Variants in RAP1B observed in about 807,000 individuals in gnomAD.
RAP1B encodes the protein ras-related protein Rap-1b.
A neutral mutation model predicts 27.5 loss-of-function variants in RAP1B; 1 was observed. The ratio of observed to expected loss-of-function variants is 0.04; its 90% CI spans 0.01 to 0.17. RAP1B has a LOEUF of 0.17. Among genes scored for constraint, RAP1B ranks in the 10% least tolerant of loss-of-function variants. The probability of loss-of-function intolerance (pLI) is 1.00; values close to 1 mark genes in which losing one functional copy is unlikely to be tolerated. For missense variants in RAP1B, 84 were observed against 214.8 expected (o/e 0.39, Z 3.81); for synonymous variants, 75 against 73.1 (o/e 1.03, Z -0.13).
In RAP1B at chr12:68,663,142, C is replaced by G. The variant is rs577386201; in HGVS notation, c.*3893C>G. 6.6e-6 allele frequency: 1 copy of G among 152,078 alleles called. No individual in the cohort carries two copies. The highest frequency in any genetic ancestry group is 1.9e-4 in the East Asian group (1 of 5,180). The allele number at this position is 152,078 out of a possible 1,614,324, so 9.4% of individuals were successfully genotyped here. Reference sequence around the variant, plus strand: ...ACAGTGGTGCGATCTTGGCTCACCCCAACCTCTGCCTCCCAGGTTCAAGCA... The same window carrying G: ...ACAGTGGTGCGATCTTGGCTCACCCGAACCTCTGCCTCCCAGGTTCAAGCA... On this transcript the variant is annotated 3_prime_UTR_variant, in exon 8 of 8. Coordinates refer to ENST00000250559, the MANE Select transcript of RAP1B (RefSeq NM_001010942.3).
At position 68,664,054 on chromosome 12, in the gene RAP1B, A is replaced by C. The variant is rs1874743718; in HGVS notation, c.*4805A>C. 1 of 152,184 alleles carries C rather than the reference A, an allele frequency of 6.6e-6. No homozygotes were observed. The highest frequency in any genetic ancestry group is 2.4e-5 in the African/African-American group (1 of 41,442). The allele number at this position is 152,184 out of a possible 1,614,324, so 9.4% of individuals were successfully genotyped here. Reference sequence around the variant, plus strand: ...GTTTTTACTATGTTGTTTTACTATGAACCTAGTTTAACCTGACTTTCCTTA... The same window carrying C: ...GTTTTTACTATGTTGTTTTACTATGCACCTAGTTTAACCTGACTTTCCTTA... On this transcript the variant is annotated 3_prime_UTR_variant, in exon 8 of 8. Coordinates refer to ENST00000250559, the MANE Select transcript of RAP1B (RefSeq NM_001010942.3).
intron 2 of RAP1B, 59 bp from the exon 3 acceptor site, chr12:68,650,341 T>G (rs1873724679): frequency 7.1e-7 from 1 of 1,413,822 alleles, no homozygotes; most frequent in South Asian, 1.4e-5. Flanking sequence ...ACAATTACAT[T>G]AAAGATTGAA....
rs572549620 is a variant in RAP1B at position 68,670,594 on chromosome 12, C to T, written c.*11345C>T. The stretch of plus-strand genomic sequence containing the variant: ...AAGTCAAAAATGTAAGTCGAAAATG[C>T]ATTTAATACCCTGATAAATCCATCA... On this transcript the variant is annotated 3_prime_UTR_variant, in exon 8 of 8. Coordinates refer to ENST00000250559, the MANE Select transcript of RAP1B (RefSeq NM_001010942.3). 83 of 152,248 alleles carry T rather than the reference C, an allele frequency of 5.5e-4. No homozygotes were observed. The highest frequency in any genetic ancestry group is 2.0e-3 in the African/African-American group (83 of 41,546). 9.4% of individuals were successfully genotyped at this position (152,248 alleles called of 1,614,324 possible).
chr12:68,639,026 A>C (rs1043844836), intron 1 of RAP1B, among the ~76,000 whole-genome samples: 1 of 152,196 alleles, frequency 6.6e-6, no homozygotes, highest in African/African-American at 2.4e-5. Context: ...ACATTATTAT[A>C]ACAAAACATT....
intron 1 of RAP1B, among the ~76,000 whole-genome samples, chr12:68,638,829 T>A (rs1872801348): frequency 6.6e-6 from 1 of 151,962 alleles, no homozygotes; most frequent in Admixed American, 6.6e-5. Flanking sequence ...CCCGACTGAT[T>A]TTTGTATTTT....
Position 68,666,506 on chromosome 12 carries a change from C to T in RAP1B, c.*7257C>T, listed in dbSNP as rs534682913. 83 of 152,302 alleles carry T rather than the reference C, an allele frequency of 5.4e-4. No homozygotes were observed. The highest frequency in any genetic ancestry group is 2.0e-3 in the African/African-American group (83 of 41,558). 9.4% of individuals were successfully genotyped at this position (152,302 alleles called of 1,614,324 possible). On this transcript the variant is annotated 3_prime_UTR_variant, in exon 8 of 8. Coordinates refer to ENST00000250559, the MANE Select transcript of RAP1B (RefSeq NM_001010942.3). ...GAGGCTCTCGGAGAGAACCTGTTCC[C>T]ATGGCATTATGCCACATCACATGTG... is the stretch of plus-strand genomic sequence containing the variant.
chr12:68,660,588 C>T lies in RAP1B; in HGVS notation c.*1339C>T, dbSNP rs1249108610. 6.6e-6 allele frequency: 1 copy of T among 152,550 alleles called. No individual in the cohort carries two copies. The highest frequency in any genetic ancestry group is 1.5e-5 in the Non-Finnish European group (1 of 68,032). 9.4% of individuals were successfully genotyped at this position (152,550 alleles called of 1,614,324 possible). ...GTGCTAGTAAATAAATACGGGTTTA[C>T]CCTGGTTTTAATTGTAATAGGTGCA... On this transcript the variant is annotated 3_prime_UTR_variant, in exon 8 of 8. Coordinates refer to ENST00000250559, the MANE Select transcript of RAP1B (RefSeq NM_001010942.3).
chr12:68,621,591 T>G (rs1871389307), intron 1 of RAP1B: 1 of 152,042 alleles, frequency 6.6e-6, no homozygotes, highest in Non-Finnish European at 1.5e-5. Context: ...AATGAAGAGG[T>G]GAAAGGGCAG....
Position 68,661,524 on chromosome 12 carries a change from A to T in RAP1B, c.*2275A>T, listed in dbSNP as rs1199687275. The stretch of plus-strand genomic sequence containing the variant: ...GCTGCCCTCCTAGAATTTATATTCT[A>T]TTGAAGAGTTTCTCAGCCTCAGCAC... On this transcript the variant is annotated 3_prime_UTR_variant, in exon 8 of 8. Coordinates refer to ENST00000250559, the MANE Select transcript of RAP1B (RefSeq NM_001010942.3). 6.6e-6 allele frequency: 1 copy of T among 152,100 alleles called. No individual in the cohort carries two copies. Among genetic ancestry groups the T allele is most frequent in the Non-Finnish European group, 1.5e-5 (1 of 68,016 alleles). The allele number at this position is 152,100 out of a possible 1,614,324, so 9.4% of individuals were successfully genotyped here. A position where few individuals can be genotyped will look rare whatever the true frequency, so the allele number is the denominator to read the frequency against.
At chr12:68,628,667 T>C (rs1872002207) in intron 1 of RAP1B, among the ~76,000 whole-genome samples, 1 of 152,230 alleles carries the variant, frequency 6.6e-6, no homozygotes, top group African/African-American at 2.4e-5. Flanking sequence ...GTGTCACTTT[T>C]GGTAGATCCA....
chr12:68,611,633 C>A (rs570860029), intron 1 of RAP1B, among the ~76,000 whole-genome samples: 1 of 152,290 alleles, frequency 6.6e-6, no homozygotes, highest in Admixed American at 6.5e-5. Context: ...TTGCCTGAAA[C>A]GGGGCTTGCT....
Position 68,610,991 on chromosome 12 carries a change from C to CG in RAP1B, c.-73dup, listed in dbSNP as rs1870521704. ...CGCCGTGGCGCCTAGAGTAGCGACC[C>CG]GGGGGGAGCGCGGGGCGACGCTGGC... On this transcript the variant is annotated 5_prime_UTR_variant, in exon 1 of 8. Coordinates refer to ENST00000250559, the MANE Select transcript of RAP1B (RefSeq NM_001010942.3). 3.1e-5 allele frequency: 10 copies of CG among 322,658 alleles called. No homozygotes were observed. Among genetic ancestry groups the CG allele is most frequent in the South Asian group, 1.4e-4 (1 of 7,226 alleles). The allele number at this position is 322,658 out of a possible 1,614,324, so 20.0% of individuals were successfully genotyped here. A position where few individuals can be genotyped will look rare whatever the true frequency, so the allele number is the denominator to read the frequency against.
chr12:68,646,076 C>T (rs1210782796), intron 1 of RAP1B, among the ~76,000 whole-genome samples: 1 of 152,150 alleles, frequency 6.6e-6, no homozygotes, highest in Non-Finnish European at 1.5e-5. Flanking sequence ...GAAAAAGAGT[C>T]CCAGTCACCT....
intron 3 of RAP1B, chr12:68,650,942 ATATTTGTATATAC>A (rs1873771131): frequency 6.6e-6 from 1 of 152,440 alleles, no homozygotes; most frequent in Non-Finnish European, 1.5e-5. Context: ...TGATTTTAGA[ATATTTGTATATAC>A]ATAATGAAAT....
At chr12:68,641,631 G>A (rs1206530662) in intron 1 of RAP1B, among the ~76,000 whole-genome samples, 7 of 152,028 alleles carry the variant, frequency 4.6e-5, no homozygotes, top group African/African-American at 9.7e-5. Flanking sequence ...TTGCAGTCAC[G>A]CAAATTTTAG....
intron 6 of RAP1B, 23 bp downstream of exon 6, chr12:68,656,472 T>TA (rs1874213348): frequency 2.5e-6 from 4 of 1,589,608 alleles, no homozygotes; most frequent in Non-Finnish European, 3.5e-6. Context: ...ATACTTAAAA[T>TA]GGGTCTTCAT....
rs977428490 is a variant in RAP1B, at chr12:68,662,834, A to T, written c.*3585A>T. 1 of 152,032 alleles carries T rather than the reference A, an allele frequency of 6.6e-6. No homozygotes were observed. Among genetic ancestry groups the T allele is most frequent in the Non-Finnish European group, 1.5e-5 (1 of 68,022 alleles). The allele number at this position is 152,032 out of a possible 1,614,324, so 9.4% of individuals were successfully genotyped here. A position where few individuals can be genotyped will look rare whatever the true frequency, so the allele number is the denominator to read the frequency against. On this transcript the variant is annotated 3_prime_UTR_variant, in exon 8 of 8. Transcript: ENST00000250559. ...AACATAGACCCCATCTCTACAAAAA[A>T]AAATTTTTTTTTAATTAGCTGGGCA...
At chr12:68,644,801 G>T (rs575808935) in intron 1 of RAP1B, among the ~76,000 whole-genome samples, 17 of 144,808 alleles carry the variant, frequency 1.2e-4, no homozygotes, top group African/African-American at 2.8e-4. Flanking sequence ...CAGTTCTCCT[G>T]CCTCAGCCTT....
intron 1 of RAP1B, among the ~76,000 whole-genome samples, chr12:68,625,877 G>A (rs1200009569): frequency 6.6e-6 from 1 of 151,590 alleles, no homozygotes; most frequent in African/African-American, 2.4e-5. Context: ...AGCCAAGATC[G>A]TGCCGCTGCA....
Sources: allele counts gnomAD v4.1 joint callset (sites outside exome capture counted in the v4.1 genomes callset), GRCh38; gene constraint gnomAD v4.1.1; transcripts MANE v1.5; gene names NCBI Gene and HGNC (gene_info 2026-07-23, HGNC 2026-07-21).